Variants in PTPRN observed in about 807,000 individuals in gnomAD.
PTPRN encodes the protein protein tyrosine phosphatase receptor type N, also known as receptor-type tyrosine-protein phosphatase-like N.
A neutral mutation model predicts 108.5 loss-of-function variants in PTPRN; 70 were observed. The ratio of observed to expected loss-of-function variants is 0.65; its 90% confidence interval spans 0.53 to 0.79. The LOEUF is 0.79. Among genes scored for constraint, PTPRN ranks in the 30% least tolerant of loss-of-function variants. PTPRN has a pLI of 0.00. For missense variants in PTPRN, 1,136 were observed against 1,295.5 expected (o/e 0.88, Z 1.89); for synonymous variants, 496 against 524.6 (o/e 0.95, Z 0.75).
chr2:219,306,056 A>G (rs1952477768), intron 3 of PTPRN, among the ~76,000 whole-genome samples: 2 of 152,156 alleles, frequency 1.3e-5, no homozygotes, highest in Admixed American at 1.3e-4. Flanking sequence ...AGGCTGAGGC[A>G]GGAGAATCAC....
intron 10 of PTPRN, 89 bp from the exon 11 acceptor site, chr2:219,299,473 G>A (rs1574921932): frequency 9.1e-6 from 13 of 1,430,140 alleles, no homozygotes; most frequent in Non-Finnish European, 1.2e-5. Flanking sequence ...CCCCGTTAGA[G>A]GATGGGGCTG....
At chr2:219,303,598 C>A (rs1952411267) in intron 4 of PTPRN, 137 bp downstream of exon 4, 2 of 779,694 alleles carry the variant, frequency 2.6e-6, no homozygotes, top group African/African-American at 1.7e-5. Flanking sequence ...CAGAGAGTGA[C>A]CATTCCTGCA....
intron 1 of PTPRN, 73 bp from the exon 2 acceptor site, chr2:219,307,915 G>T: frequency 7.0e-7 from 1 of 1,432,280 alleles, no homozygotes; most frequent in Non-Finnish European, 9.8e-7. Context: ...GACAGGCTGG[G>T]AACGGGAGAA....
intron 7 of PTPRN, 84 bp from the exon 8 acceptor site, chr2:219,301,061 C>G (rs530300614): frequency 3.7e-6 from 5 of 1,359,040 alleles, no homozygotes; most frequent in Non-Finnish European, 5.2e-6. Context: ...GGCCAGAGAC[C>G]CTGAGCCTGG....
Position 219,290,430 on chromosome 2 carries a change from G to A in PTPRN, c.2868+108C>T, listed in dbSNP as rs995394790. On this transcript the variant is annotated intron_variant, in intron 22 of 22. Coordinates refer to ENST00000295718, the MANE Select transcript of PTPRN (RefSeq NM_002846.4). This position sits in a 1 kb window ranked among gnomAD's most constrained non-coding sequence, Gnocchi z 4.2. ...GGAAGGGAGCCCTCCTGGAGGAGGC[G>A]CAGAAGCAGGTGGGAAAGGTTGGCA... is the stretch of plus-strand genomic sequence containing the variant. 7.9e-6 allele frequency: 11 copies of A among 1,386,338 alleles called. No homozygotes were observed. Among genetic ancestry groups the A allele is most frequent in the African/African-American group, 2.9e-5 (2 of 69,726 alleles). The allele number at this position is 1,386,338 out of a possible 1,614,324, so 85.9% of individuals were successfully genotyped here. A position where few individuals can be genotyped will look rare whatever the true frequency, so the allele number is the denominator to read the frequency against.
At position 219,297,133 on chromosome 2, in the gene PTPRN, C is replaced by T. The variant is rs745840438; in HGVS notation, c.2089-1G>A. 6.2e-7 allele frequency: 1 copy of T among 1,613,872 alleles called. No individual in the cohort carries two copies. Among genetic ancestry groups the T allele is most frequent in the Non-Finnish European group, 8.5e-7 (1 of 1,179,892 alleles). On this transcript the variant is annotated splice_acceptor_variant, in intron 14 of 22. Coordinates refer to ENST00000295718, the MANE Select transcript of PTPRN (RefSeq NM_002846.4). LOFTEE classifies it high-confidence loss of function. This position sits in a 1 kb window ranked among gnomAD's most constrained non-coding sequence, Gnocchi z 6.0. ...TCCGCAGGTGATCCTCCATGTATGC[C>T]TGTGGGGGCACCACGGTCTGGCTCT...
intron 20 of PTPRN, among the ~76,000 whole-genome samples, 165 bp downstream of exon 20, chr2:219,291,305 T>TA (rs1952049062): frequency 6.6e-6 from 1 of 152,206 alleles, no homozygotes; most frequent in Non-Finnish European, 1.5e-5. Context: ...TTCACCCATT[T>TA]AAAACTGTGA....
At chr2:219,291,387 GC>G (rs1364294983) in intron 20 of PTPRN, 82 bp downstream of exon 20, 1 of 1,465,116 alleles carries the variant, frequency 6.8e-7, no homozygotes, top group African/African-American at 1.4e-5. Flanking sequence ...CAGTTTGCTA[GC>G]ACCAAGGGGA....
Position 219,295,007 on chromosome 2 carries a change from C to T in PTPRN, c.2643G>A (p.Pro881=), listed in dbSNP as rs1377553695. ...AGTCCAGCAGGGGCCGCGTGGAGGC[C>T]GGTGTGCCCTCTGCCGGCCAGCTGA... ...HFLSWPAEGT[P]ASTRPLLDFR... is the part of the protein sequence containing the mutation. The change falls in exon 19 of 23, where the codon CCG becomes CCA. Residue 881 remains proline (P), a synonymous_variant. Coordinates refer to ENST00000295718, the MANE Select transcript of PTPRN (RefSeq NM_002846.4). The T allele has an allele frequency of 6.2e-7, 1 of 1,605,164 alleles. No individual in the cohort carries two copies. Among genetic ancestry groups the T allele is most frequent in the East Asian group, 2.3e-5 (1 of 44,192 alleles).
chr2:219,291,596 T>C, intron 19 of PTPRN, 73 bp from the exon 20 acceptor site: 1 of 1,446,192 alleles, frequency 6.9e-7, no homozygotes, highest in Admixed American at 1.7e-5. Context: ...ACACATGACG[T>C]GGGCCTCTCT....
Position 219,296,733 on chromosome 2 carries a change from A to G in PTPRN, c.2310+16T>C. The G allele has an allele frequency of 6.2e-7, 1 of 1,613,254 alleles. No individual in the cohort carries two copies. The highest frequency in any genetic ancestry group is 8.5e-7 in the Non-Finnish European group (1 of 1,179,600). On this transcript the variant is annotated intron_variant, in intron 16 of 22. Coordinates refer to ENST00000295718, the MANE Select transcript of PTPRN (RefSeq NM_002846.4). The surrounding 1 kb of genome is among the most constrained non-coding windows in gnomAD (Gnocchi z 6.0). ...ATGATGGGGCAGAGGTGGGGGCTGGAGTCAGGGCCACTCACAATGGGGCTG... is the reference window on the plus strand; with the variant it reads ...ATGATGGGGCAGAGGTGGGGGCTGGGGTCAGGGCCACTCACAATGGGGCTG...
intron 1 of PTPRN, chr2:219,308,960 C>G: frequency 1.4e-6 from 2 of 1,480,000 alleles, no homozygotes; most frequent in South Asian, 1.2e-5. Context: ...ACATGCACCC[C>G]GTGTCCTTCT....
intron 3 of PTPRN, chr2:219,307,175 C>A: frequency 2.7e-6 from 1 of 366,392 alleles, no homozygotes; most frequent in Non-Finnish European, 4.9e-6. Context: ...CTGTAGCACT[C>A]AGACAATGCC....
chr2:219,308,925 A>G (rs747967588), intron 1 of PTPRN: 2 of 1,408,384 alleles, frequency 1.4e-6, no homozygotes, highest in South Asian at 2.4e-5. Flanking sequence ...GTGGTCTCGC[A>G]GCCGGTCTCT....
At position 219,296,444 on chromosome 2, in the gene PTPRN, A is replaced by C. The variant is rs778108501; in HGVS notation, c.2383T>G (p.Trp795Gly). ...GPLSHTIADF[W>G]QMVWESGCTV... ...CCCTCCCTTTAAGAGCCCACCTGCCAGAAGTCTGCGATGGTATGGGACAGC... is the reference window on the plus strand; with the variant it reads ...CCCTCCCTTTAAGAGCCCACCTGCCCGAAGTCTGCGATGGTATGGGACAGC... Residue 795 changes from tryptophan to glycine, a missense_variant, in exon 17 of 23, where the codon TGG becomes GGG. Coordinates refer to ENST00000295718, the MANE Select transcript of PTPRN (RefSeq NM_002846.4). The surrounding 1 kb of genome is among the most constrained non-coding windows in gnomAD (Gnocchi z 6.0). 6.2e-7 allele frequency: 1 copy of C among 1,614,074 alleles called. No individual in the cohort carries two copies. Among genetic ancestry groups the C allele is most frequent in the African/African-American group, 1.3e-5 (1 of 74,928 alleles).
intron 6 of PTPRN, 51 bp downstream of exon 6, chr2:219,302,086 G>T (rs367960804): frequency 4.8e-6 from 7 of 1,470,372 alleles, no homozygotes; most frequent in Non-Finnish European, 4.6e-6. Context: ...CCCCACCATG[G>T]TTCCCCCAAA....
chr2:219,303,608 A>G lies in PTPRN; in HGVS notation c.377+127T>C, dbSNP rs528260448. ...CATGTCAGAGAGTGACCATTCCTGC[A>G]CCTCTTTACCTGTGCCCCAGCATGC... On this transcript the variant is annotated intron_variant, in intron 4 of 22. Transcript: ENST00000295718. 2.4e-5 allele frequency: 20 copies of G among 824,128 alleles called. No homozygotes were observed. The African/African-American group carries it at 3.2e-4, about 13-fold the overall frequency. The allele number at this position is 824,128 out of a possible 1,614,324, so 51.1% of individuals were successfully genotyped here. A position where few individuals can be genotyped will look rare whatever the true frequency, so the allele number is the denominator to read the frequency against.
Position 219,303,807 on chromosome 2 carries a change from G to A in PTPRN, c.305C>T (p.Thr102Ile). The stretch of plus-strand genomic sequence containing the variant: ...CATCTCCTGAGAGATCACATACTGG[G>A]TGAGGTCATCGTGCCAGGACAATCC... Reference protein sequence around the residue: ...SQGLSWHDDLTQYVISQEMER... With the variant: ...SQGLSWHDDLIQYVISQEMER... The change falls in exon 4 of 23, where the codon ACC (threonine) becomes ATC (isoleucine). Residue 102 changes from threonine to isoleucine, a missense_variant. Thr to Ile is a moderately conservative substitution (Grantham distance 89). Coordinates refer to ENST00000295718, the MANE Select transcript of PTPRN (RefSeq NM_002846.4). 1 of 1,613,672 alleles carries A rather than the reference G, an allele frequency of 6.2e-7. No homozygotes were observed. Among genetic ancestry groups the A allele is most frequent in the South Asian group, 1.1e-5 (1 of 91,036 alleles).
rs773899561 is a variant in PTPRN at position 219,307,602 on chromosome 2, C to T, written c.167-45G>A. 6.4e-6 allele frequency: 10 copies of T among 1,566,748 alleles called. 1 individual carries two copies. In the South Asian group the frequency reaches 7.9e-5, roughly 12 times the overall value. ...GTCAGCAGGGGGCTTGAATAAGAGG[C>T]CTTCCAAAGTCCAGGTTGCAAATGG... On this transcript the variant is annotated intron_variant, in intron 2 of 22. Transcript: ENST00000295718.
Sources: allele counts gnomAD v4.1 joint callset (sites outside exome capture counted in the v4.1 genomes callset), GRCh38; gene constraint gnomAD v4.1.1; non-coding constraint Gnocchi (gnomAD v3.1); transcripts MANE v1.5; gene names NCBI Gene and HGNC (gene_info 2026-07-23, HGNC 2026-07-21).